TMTC2: variants seen among roughly 807,000 people sequenced by gnomAD.
The protein encoded by TMTC2 is transmembrane O-mannosyltransferase targeting cadherins 2, also known as protein O-mannosyl-transferase TMTC2.
Under a neutral mutation model 82.4 loss-of-function variants are expected in TMTC2, and 43 were observed. The ratio of observed to expected loss-of-function variants is 0.52; its 90% CI spans 0.41 to 0.67. The LOEUF (loss-of-function observed/expected upper bound fraction) is 0.67. Among genes scored for constraint, TMTC2 ranks in the 30% least tolerant of loss-of-function variants. TMTC2 has a pLI of 0.00. For missense variants in TMTC2, 919 were observed against 1,012.4 expected (o/e 0.91, Z 1.25); for synonymous variants, 408 against 381.9 (o/e 1.07, Z -0.80).
At chr12:82,967,139 A>T (rs544499673) in intron 7 of TMTC2, 142 bp downstream of exon 7, 1 of 642,614 alleles carries the variant, frequency 1.6e-6, no homozygotes, top group South Asian at 2.2e-5. Flanking sequence ...TCATACTCAA[A>T]TTCTGACAGA....
intron 3 of TMTC2, among the ~76,000 whole-genome samples, chr12:82,904,982 C>CA (rs1874214169): frequency 7.5e-6 from 1 of 133,900 alleles, no homozygotes; most frequent in Non-Finnish European, 1.6e-5. Flanking sequence ...TTTTTTGTTT[C>CA]TTTTTTTTTT....
chr12:82,745,169 T>C (rs1875622521), intron 1 of TMTC2, among the ~76,000 whole-genome samples: 1 of 152,044 alleles, frequency 6.6e-6, no homozygotes, highest in African/African-American at 2.4e-5. Context: ...GTGTGTGCCC[T>C]TTAATTTTTT....
intron 2 of TMTC2, among the ~76,000 whole-genome samples, chr12:82,871,329 T>C (rs1233974268): frequency 5.9e-5 from 9 of 151,838 alleles, no homozygotes; most frequent in Non-Finnish European, 1.3e-4. Flanking sequence ...TTAGTGAAAA[T>C]GAAAGATCCA....
chr12:82,829,275 T>G (rs1300424146), intron 1 of TMTC2, among the ~76,000 whole-genome samples: 2 of 152,218 alleles, frequency 1.3e-5, no homozygotes, highest in Non-Finnish European at 2.9e-5. Flanking sequence ...TGAGTTACTT[T>G]CATGGTAACA....
chr12:82,927,497 A>G (rs939246153), intron 3 of TMTC2, among the ~76,000 whole-genome samples: 5 of 152,200 alleles, frequency 3.3e-5, no homozygotes, highest in African/African-American at 7.2e-5. Flanking sequence ...TGAAATGACA[A>G]CAAAGCACTA....
intron 3 of TMTC2, 96 bp downstream of exon 3, chr12:82,896,742 GA>G: frequency 1.0e-6 from 1 of 990,652 alleles, no homozygotes; most frequent in South Asian, 1.8e-5. Flanking sequence ...TAAGGAGGAA[GA>G]GGTCCTTTTA....
chr12:82,916,722 G>C (rs1875022425), intron 3 of TMTC2, among the ~76,000 whole-genome samples: 1 of 145,088 alleles, frequency 6.9e-6, no homozygotes, highest in South Asian at 2.3e-4. Context: ...GACTAACAGT[G>C]TTAATATATT....
chr12:82,725,049 T>C (rs945072386), intron 1 of TMTC2, among the ~76,000 whole-genome samples: 2 of 152,186 alleles, frequency 1.3e-5, no homozygotes, highest in African/African-American at 4.8e-5. Context: ...AGCATTCTTT[T>C]CTAGCAGTAG....
intron 9 of TMTC2, among the ~76,000 whole-genome samples, chr12:83,042,250 T>C (rs1346977619): frequency 6.6e-6 from 1 of 152,198 alleles, no homozygotes; most frequent in Non-Finnish European, 1.5e-5. Flanking sequence ...TAACTCAGTC[T>C]CAGAGGAGCG....
At chr12:82,711,940 T>A (rs7134747) in intron 1 of TMTC2, among the ~76,000 whole-genome samples, 126,672 of 152,172 alleles carry the variant, frequency 0.83, 53,056 homozygotes, top group Non-Finnish European at 0.88. Flanking sequence ...TGAATTCTCC[T>A]CCTTCTTGTT....
chr12:82,798,600 G>C (rs1878842644), intron 1 of TMTC2, among the ~76,000 whole-genome samples: 1 of 151,602 alleles, frequency 6.6e-6, no homozygotes, highest in Admixed American at 6.6e-5. Context: ...GAGTTCAGGA[G>C]TTTTGAGACC....
At chr12:82,926,183 G>A (rs977721104) in intron 3 of TMTC2, among the ~76,000 whole-genome samples, 7 of 152,094 alleles carry the variant, frequency 4.6e-5, no homozygotes, top group African/African-American at 1.7e-4. Flanking sequence ...GTTTCACCAT[G>A]TTGGCCAGGA....
chr12:82,743,591 C>G (rs1034145700), intron 1 of TMTC2, among the ~76,000 whole-genome samples: 12 of 152,108 alleles, frequency 7.9e-5, no homozygotes, highest in Non-Finnish European at 1.0e-4. Flanking sequence ...TTCAACCAGG[C>G]TGGTGGTGTT....
intron 11 of TMTC2, among the ~76,000 whole-genome samples, chr12:83,069,314 C>T (rs1233948040): frequency 6.6e-6 from 1 of 152,162 alleles, no homozygotes; most frequent in African/African-American, 2.4e-5. Context: ...TTCCCACCAG[C>T]AGTGTAGAAA....
intron 1 of TMTC2, among the ~76,000 whole-genome samples, chr12:82,825,419 AG>A (rs1869357558): frequency 6.6e-6 from 1 of 152,218 alleles, no homozygotes; most frequent in Admixed American, 6.5e-5. Context: ...AGGATAAGCC[AG>A]TACAGGGCCA....
intron 1 of TMTC2, among the ~76,000 whole-genome samples, chr12:82,694,199 T>G (rs563459195): frequency 6.6e-6 from 1 of 151,902 alleles, no homozygotes; most frequent in South Asian, 2.1e-4. Context: ...TTAGAGTAGT[T>G]TATTTTATTT....
intron 4 of TMTC2, among the ~76,000 whole-genome samples, chr12:82,942,737 A>T (rs1876787540): frequency 6.6e-6 from 1 of 152,200 alleles, no homozygotes; most frequent in African/African-American, 2.4e-5. Flanking sequence ...TTAAGACAAG[A>T]ATTACTACAT....
chr12:83,018,344 G>T (rs569292540), intron 8 of TMTC2, among the ~76,000 whole-genome samples: 1 of 152,134 alleles, frequency 6.6e-6, no homozygotes, highest in Admixed American at 6.5e-5. Context: ...ACTCCGTTTT[G>T]TGAGCTCAGG....
At chr12:82,895,457 G>GTA (rs1434623563) in intron 2 of TMTC2, among the ~76,000 whole-genome samples, 1 of 152,150 alleles carries the variant, frequency 6.6e-6, no homozygotes, top group Admixed American at 6.6e-5. Context: ...AGAGTGCTAA[G>GTA]TACTGTACAT....
Sources: allele counts gnomAD v4.1 joint callset (sites outside exome capture counted in the v4.1 genomes callset), GRCh38; gene constraint gnomAD v4.1.1; transcripts MANE v1.5; gene names NCBI Gene and HGNC (gene_info 2026-07-23, HGNC 2026-07-21).